Variants in SETD1B observed in about 807,000 individuals in gnomAD.
The protein encoded by SETD1B is SET domain containing 1B, histone lysine methyltransferase, also known as histone-lysine N-methyltransferase SETD1B.
A neutral mutation model predicts 148.0 loss-of-function variants in SETD1B; 7 were observed. The ratio of observed to expected loss-of-function variants is 0.05; its 90% CI spans 0.03 to 0.09. SETD1B has a LOEUF of 0.09. SETD1B is among the 10% of genes least tolerant of loss of function. The pLI, the probability that SETD1B is intolerant of heterozygous loss-of-function variation, is 1.00. For missense variants in SETD1B, 2,155 were observed against 2,729.9 expected, an observed-to-expected ratio of 0.79 and a Z score of 4.69; for synonymous variants, 1,361 against 1,186.5, an observed-to-expected ratio of 1.15 and a Z score of -3.02.
chr12:121,806,172 T>C, intron 4 of SETD1B, 67 bp downstream of exon 4: 1 of 1,495,080 alleles, frequency 6.7e-7, no homozygotes, highest in Non-Finnish European at 9.0e-7. Flanking sequence ...CCACCCTTCC[T>C]GCAGCGTGGG....
intron 10 of SETD1B, 148 bp downstream of exon 10, chr12:121,818,052 C>T (rs1876385010): frequency 2.1e-5 from 16 of 765,396 alleles, no homozygotes; most frequent in Admixed American, 9.3e-5. Context: ...GGGTGGCGTA[C>T]GGTTCCATCT....
intron 13 of SETD1B, 140 bp from the exon 14 acceptor site, chr12:121,827,379 T>C (rs1012284200): frequency 8.7e-6 from 9 of 1,035,954 alleles, no homozygotes; most frequent in Non-Finnish European, 1.2e-5. Context: ...AGGGAAGCGG[T>C]GACAATTAGG....
intron 6 of SETD1B, among the ~76,000 whole-genome samples, chr12:121,811,153 C>T (rs1017312612): frequency 3.9e-5 from 6 of 152,278 alleles, no homozygotes; most frequent in African/African-American, 7.2e-5. Flanking sequence ...CTTTGGTAGG[C>T]GTTTGCTGAG....
chr12:121,824,341 T>A (rs1376737148), intron 12 of SETD1B, among the ~76,000 whole-genome samples: 1 of 152,120 alleles, frequency 6.6e-6, no homozygotes, highest in Non-Finnish European at 1.5e-5. Flanking sequence ...GAGCACTCAG[T>A]TTGTGTCAAG....
Position 121,828,090 on chromosome 12 carries a change from T to C in SETD1B, c.5727+20T>C, listed in dbSNP as rs771981366. 6.4e-7 allele frequency: 1 copy of C among 1,550,726 alleles called. No homozygotes were observed. Among genetic ancestry groups the C allele is most frequent in the South Asian group, 1.2e-5 (1 of 84,008 alleles). ...TGCAACGTGAGTGCCCAGCGGGGGGTGGCCCCTGCCCCTGCTCCTGCCCCT... is the reference window on the plus strand; with the variant it reads ...TGCAACGTGAGTGCCCAGCGGGGGGCGGCCCCTGCCCCTGCTCCTGCCCCT... On this transcript the variant is annotated intron_variant, in intron 16 of 16. Coordinates refer to ENST00000604567, the MANE Select transcript of SETD1B (RefSeq NM_001353345.2).
In SETD1B at chr12:121,822,770, C is replaced by T; in HGVS notation, c.4191C>T (p.Ser1397=). 3 of 1,517,124 alleles carry T rather than the reference C, an allele frequency of 2.0e-6. No individual in the cohort carries two copies. The highest frequency in any genetic ancestry group is 2.7e-6 in the Non-Finnish European group (3 of 1,126,650). The allele number at this position is 1,517,124 out of a possible 1,614,324, so 94.0% of individuals were successfully genotyped here. ...PPLSGGSSGL[S]LSSPQVPGSP... is the part of the protein sequence containing the mutation. Reference sequence around the variant, plus strand: ...TATCAGGGGGCAGCAGTGGCCTGTCCCTGAGCTCTCCGCAAGTGCCCGGCA... The same window carrying T: ...TATCAGGGGGCAGCAGTGGCCTGTCTCTGAGCTCTCCGCAAGTGCCCGGCA... Residue 1397 remains serine, a synonymous_variant, in exon 12 of 17, where the codon TCC becomes TCT. Transcript: ENST00000604567.
chr12:121,814,237 G>T lies in SETD1B; in HGVS notation c.2022G>T (p.Val674=). 6.6e-7 allele frequency: 1 copy of T among 1,524,908 alleles called. No individual in the cohort carries two copies. The highest frequency in any genetic ancestry group is 8.8e-7 in the Non-Finnish European group (1 of 1,140,536). 94.5% of individuals were successfully genotyped at this position (1,524,908 alleles called of 1,614,324 possible). A position where few individuals can be genotyped will look rare whatever the true frequency, so the allele number is the denominator to read the frequency against. ...CGGCAGCCGTGGCAGCCCCTTCTGT[G>T]CTAGCCCCAACCCTGCCGCTGCCCC... ...PGAAAVAAPS[V]LAPTLPLPPP... is the part of the protein sequence containing the mutation. The change falls in exon 7 of 17, where the codon GTG becomes GTT. Residue 674 remains valine, a synonymous_variant. Coordinates refer to ENST00000604567, the MANE Select transcript of SETD1B (RefSeq NM_001353345.2).
the SETD1B span, chr12:121,796,006 C>T: frequency 6.9e-6 from 1 of 144,546 alleles, no homozygotes; most frequent in Non-Finnish European, 1.5e-5. Context: ...GCTGGCAGAA[C>T]CCCAGCCCCA....
Position 121,823,395 on chromosome 12 carries a change from T to C in SETD1B, c.4816T>C (p.Phe1606Leu). 7.8e-7 allele frequency: 1 copy of C among 1,287,986 alleles called. No individual in the cohort carries two copies. Among genetic ancestry groups the C allele is most frequent in the Non-Finnish European group, 1.0e-6 (1 of 995,652 alleles). 79.8% of individuals were successfully genotyped at this position (1,287,986 alleles called of 1,614,324 possible). The change falls in exon 12 of 17, where the codon TTT becomes CTT. Residue 1606 changes from phenylalanine (F) to leucine (L), a missense_variant. Around this residue, in one of 11 missense-constraint regions of SETD1B, gnomAD observed 862 missense variants for 873.8 expected, o/e 0.99. Coordinates refer to ENST00000604567, the MANE Select transcript of SETD1B (RefSeq NM_001353345.2). ...ACCTGTAGAGCCCACCAAGCTGCCC[T>C]TTAAGGAGCTAGACAACCAGTGGCC... ...PPPVEPTKLP[F>L]KELDNQWPSE... is the part of the protein sequence containing the mutation.
chr12:121,819,289 C>G, intron 10 of SETD1B, 115 bp from the exon 11 acceptor site: 1 of 1,502,020 alleles, frequency 6.7e-7, no homozygotes, highest in East Asian at 2.5e-5. Context: ...ACACACATAT[C>G]TGAGGGCCGT....
chr12:121,824,646 C>CA (rs1006520873), intron 12 of SETD1B, among the ~76,000 whole-genome samples: 4 of 146,162 alleles, frequency 2.7e-5, no homozygotes, highest in African/African-American at 1.0e-4. Flanking sequence ...GACTCTGTCT[C>CA]AAAAAAAAAA....
the SETD1B span, chr12:121,795,951 C>G: frequency 3.9e-5 from 6 of 152,342 alleles, no homozygotes; most frequent in East Asian, 1.2e-3. Context: ...GGCAGAACAG[C>G]TGATACTGGC....
intron 6 of SETD1B, 73 bp from the exon 7 acceptor site, chr12:121,814,033 C>A: frequency 1.6e-6 from 2 of 1,259,878 alleles, no homozygotes; most frequent in South Asian, 1.4e-5. Context: ...GATTGCTAGT[C>A]TTGCAGAGGG....
intron 10 of SETD1B, among the ~76,000 whole-genome samples, chr12:121,818,949 A>C (rs1221755710): frequency 6.6e-6 from 1 of 151,994 alleles, no homozygotes; most frequent in Non-Finnish European, 1.5e-5. Context: ...CAGTTTTTAA[A>C]AGCGACTACT....
At chr12:121,814,012 G>A (rs991573197) in intron 6 of SETD1B, 94 bp from the exon 7 acceptor site, 11 of 1,022,560 alleles carry the variant, frequency 1.1e-5, no homozygotes, top group Non-Finnish European at 1.6e-5. Flanking sequence ...CACACAGCTG[G>A]GAGTGCCACT....
intron 10 of SETD1B, among the ~76,000 whole-genome samples, chr12:121,818,461 G>A (rs1876404630): frequency 6.6e-6 from 1 of 152,044 alleles, no homozygotes; most frequent in Admixed American, 6.6e-5. Context: ...TACTTGGGAG[G>A]CTGAGGCAGG....
intron 11 of SETD1B, among the ~76,000 whole-genome samples, chr12:121,822,010 C>A (rs1021470659): frequency 1.3e-5 from 2 of 152,050 alleles, no homozygotes; most frequent in African/African-American, 4.8e-5. Context: ...TGAGCCCTGG[C>A]GGTCTAGGCT....
chr12:121,820,621 C>A (rs1876522010), intron 11 of SETD1B, among the ~76,000 whole-genome samples: 1 of 152,082 alleles, frequency 6.6e-6, no homozygotes, highest in African/African-American at 2.4e-5. Context: ...GCAAGCTCCG[C>A]CTCCCAGGTT....
rs1451476861 is a variant in SETD1B at position 121,808,338 on chromosome 12, A to G, written c.657+18A>G. On this transcript the variant is annotated intron_variant, in intron 5 of 16. Coordinates refer to ENST00000604567, the MANE Select transcript of SETD1B (RefSeq NM_001353345.2). This position sits in a 1 kb window ranked among gnomAD's most constrained non-coding sequence, Gnocchi z 5.3. ...CCCTGCAGGTGGGTTTATGGCCGTC[A>G]GTCTGCCCCATCGCCAGCTCTTTGA... 6 of 1,520,954 alleles carry G rather than the reference A, an allele frequency of 3.9e-6. No homozygotes were observed. In the South Asian group the frequency reaches 7.2e-5, roughly 18 times the overall value. 94.2% of individuals were successfully genotyped at this position (1,520,954 alleles called of 1,614,324 possible). A position where few individuals can be genotyped will look rare whatever the true frequency, so the allele number is the denominator to read the frequency against.
Sources: gnomAD v4.1 joint callset for allele counts (sites outside exome capture counted in the v4.1 genomes callset) on GRCh38, gnomAD v4.1.1 for gene constraint, gnomAD v4.1.1 regional missense constraint, Gnocchi (gnomAD v3.1) non-coding constraint, MANE v1.5 for transcripts, NCBI Gene and HGNC (gene_info 2026-07-23, HGNC 2026-07-21) for gene names.